Variants in ASXL3 observed in about 807,000 individuals in gnomAD.
The protein encoded by ASXL3 is putative Polycomb group protein ASXL3.
Under a neutral mutation model 170.6 loss-of-function variants are expected in ASXL3, and 34 were observed. That is an observed-to-expected ratio of 0.20 (90% CI 0.15 to 0.27). The LOEUF (loss-of-function observed/expected upper bound fraction) is 0.27. Ranked by LOEUF, ASXL3 falls within the 10% of genes least tolerant of loss-of-function variation. The probability of loss-of-function intolerance (pLI) is 1.00; values close to 1 mark genes in which losing one functional copy is unlikely to be tolerated. For synonymous variants in ASXL3, 1,002 were observed against 989.1 expected, an observed-to-expected ratio of 1.01 and a Z score of -0.24; for missense variants, 2,592 against 2,695.3, an observed-to-expected ratio of 0.96 and a Z score of 0.85.
rs1449470292 is a variant in ASXL3, at chr18:33,747,025, A to G, written c.*430A>G. The G allele has an allele frequency of 6.4e-6, 1 of 156,190 alleles. No homozygotes were observed. Among genetic ancestry groups the G allele is most frequent in the Non-Finnish European group, 1.4e-5 (1 of 70,884 alleles). The allele number at this position is 156,190 out of a possible 1,614,324, so 9.7% of individuals were successfully genotyped here. A position where few individuals can be genotyped will look rare whatever the true frequency, so the allele number is the denominator to read the frequency against. On this transcript the variant is annotated 3_prime_UTR_variant, in exon 12 of 12. Coordinates refer to ENST00000269197, the MANE Select transcript of ASXL3 (RefSeq NM_030632.3). ...GAGCCATTACAGCAAGGAATTTTAC[A>G]GTTGACTTCTCTGAACCTAGCTTTA...
chr18:33,672,812 G>A (rs546733724), intron 7 of ASXL3, among the ~76,000 whole-genome samples: 21 of 152,104 alleles, frequency 1.4e-4, no homozygotes, highest in African/African-American at 5.1e-4. Context: ...TTTGTCAGTT[G>A]CTACTATATG....
chr18:33,682,247 T>C (rs1408036768), intron 7 of ASXL3, among the ~76,000 whole-genome samples: 1 of 152,224 alleles, frequency 6.6e-6, no homozygotes, highest in Non-Finnish European at 1.5e-5. Context: ...CTTTATTTGC[T>C]AAAGCAGGCA....
At chr18:33,631,657 A>C (rs2065679337) in intron 2 of ASXL3, among the ~76,000 whole-genome samples, 1 of 152,134 alleles carries the variant, frequency 6.6e-6, no homozygotes, top group South Asian at 2.1e-4. Flanking sequence ...CGCTGCTGAT[A>C]TCAGCGACTC....
intron 2 of ASXL3, among the ~76,000 whole-genome samples, chr18:33,636,382 A>T (rs985344505): frequency 1.3e-5 from 2 of 152,088 alleles, no homozygotes; most frequent in Admixed American, 1.3e-4. Flanking sequence ...CCACAGCCAC[A>T]GTGAATGGCA....
chr18:33,667,503 C>T (rs1022357805), intron 5 of ASXL3, among the ~76,000 whole-genome samples: 2 of 152,144 alleles, frequency 1.3e-5, no homozygotes, highest in African/African-American at 4.8e-5. Flanking sequence ...TTTCCATCTA[C>T]TCCGTTCTTT....
intron 7 of ASXL3, among the ~76,000 whole-genome samples, chr18:33,679,583 T>G (rs1048659048): frequency 2.0e-5 from 3 of 152,092 alleles, no homozygotes; most frequent in Non-Finnish European, 2.9e-5. Context: ...GTTCCAGAGA[T>G]AGGTCAAGAA....
chr18:33,701,268 A>C (rs993432865), intron 8 of ASXL3, among the ~76,000 whole-genome samples: 1 of 151,984 alleles, frequency 6.6e-6, no homozygotes, highest in Admixed American at 6.6e-5. Context: ...GGTTTTGTCT[A>C]TTCTGGGTCC....
chr18:33,660,375 G>GCATAGTT (rs1319134366), intron 4 of ASXL3, among the ~76,000 whole-genome samples: 2 of 152,076 alleles, frequency 1.3e-5, no homozygotes, highest in African/African-American at 4.8e-5. Flanking sequence ...CTCACGGGCC[G>GCATAGTT]CATAGTTATT....
At chr18:33,733,611 A>G (rs1226391027) in intron 9 of ASXL3, among the ~76,000 whole-genome samples, 1 of 152,120 alleles carries the variant, frequency 6.6e-6, no homozygotes, top group East Asian at 1.9e-4. Context: ...TATTCCCTCC[A>G]CACTGAATGC....
At chr18:33,716,787 C>G (rs1160115051) in intron 8 of ASXL3, among the ~76,000 whole-genome samples, 3 of 151,774 alleles carry the variant, frequency 2.0e-5, no homozygotes, top group African/African-American at 7.3e-5. Flanking sequence ...CTTCAATGAA[C>G]TGTATACTGT....
Position 33,744,518 on chromosome 18 carries a change from C to T in ASXL3, c.4670C>T (p.Thr1557Ile). Residue 1557 changes from threonine (T) to isoleucine (I), a missense_variant, in exon 12 of 12, where the codon ACA (threonine) becomes ATA (isoleucine). Physicochemically the swap from Thr to Ile is moderately conservative, Grantham distance 89. Coordinates refer to ENST00000269197, the MANE Select transcript of ASXL3 (RefSeq NM_030632.3). ...QDSKTLPATC[T>I]SLRELPLVPD... Reference sequence around the variant, plus strand: ...AGTAAAACATTGCCGGCCACCTGCACAAGTCTCCGAGAATTACCCCTTGTT... The same window carrying T: ...AGTAAAACATTGCCGGCCACCTGCATAAGTCTCCGAGAATTACCCCTTGTT... 6.2e-7 allele frequency: 1 copy of T among 1,612,384 alleles called. No homozygotes were observed. Among genetic ancestry groups the T allele is most frequent in the Non-Finnish European group, 8.5e-7 (1 of 1,179,668 alleles).
chr18:33,644,666 C>T (rs1205290412), intron 2 of ASXL3, among the ~76,000 whole-genome samples: 5 of 151,782 alleles, frequency 3.3e-5, no homozygotes, highest in African/African-American at 1.2e-4. Context: ...TGCCTGAAGC[C>T]TTATAAGACA....
At position 33,585,718 on chromosome 18, in the gene ASXL3, G is replaced by A. The variant is rs543953035; in HGVS notation, c.54+7033G>A. Among the ~76,000 whole-genome samples the A allele has an allele frequency of 6.3e-4, 96 of 152,262 alleles. 1 individual carries two copies. The highest frequency in any genetic ancestry group is 2.2e-3 in the African/African-American group (92 of 41,546). On this transcript the variant is annotated intron_variant, in intron 1 of 11. Transcript: ENST00000269197. ...ATATATAACTTAAATGACATCCAAG[G>A]CCTTAGCTTTGGAGGAACTTTTAGA...
chr18:33,578,738 G>A (rs2064967684), intron 1 of ASXL3, 53 bp downstream of exon 1: 34 of 1,089,780 alleles, frequency 3.1e-5, no homozygotes, highest in South Asian at 4.3e-5. Flanking sequence ...CCCGCCGCTC[G>A]CCCCGCGCCG....
rs544346851 is a variant in ASXL3 at position 33,707,911 on chromosome 18, TTATTA to T, written c.880-24051_880-24047del. ...TGTATCTCTTAAGATGATTTCTTCT[TTATTA>T]TATTAATGTGATAAATGACCAATTG... is the stretch of plus-strand genomic sequence containing the variant. On this transcript the variant is annotated intron_variant, in intron 8 of 11. Coordinates refer to ENST00000269197, the MANE Select transcript of ASXL3 (RefSeq NM_030632.3). Among the ~76,000 whole-genome samples, 660 of 152,242 alleles carry T rather than the reference TTATTA, an allele frequency of 4.3e-3. 4 individuals carry two copies. Among genetic ancestry groups the T allele is most frequent in the African/African-American group, 0.015 (634 of 41,574 alleles).
At chr18:33,722,091 T>C (rs1425926830) in intron 8 of ASXL3, among the ~76,000 whole-genome samples, 1 of 152,034 alleles carries the variant, frequency 6.6e-6, no homozygotes, top group Admixed American at 6.6e-5. Flanking sequence ...GTTCCGACTG[T>C]TTACTGACCA....
Position 33,578,654 on chromosome 18 carries a change from A to G in ASXL3, c.23A>G (p.Lys8Arg). 7.3e-7 allele frequency: 1 copy of G among 1,363,532 alleles called. No homozygotes were observed. Among genetic ancestry groups the G allele is most frequent in the Non-Finnish European group, 9.7e-7 (1 of 1,032,670 alleles). The allele number at this position is 1,363,532 out of a possible 1,614,324, so 84.5% of individuals were successfully genotyped here. ...AACATGAAAGACAAGAGGAAGAAGA[A>G]GGACCGCACCTGGGCCGAGGCTGCC... is the stretch of plus-strand genomic sequence containing the variant. Reference protein sequence around the residue: MKDKRKKKDRTWAEAARL... With the variant: MKDKRKKRDRTWAEAARL... Residue 8 changes from lysine (K) to arginine (R), a missense_variant, in exon 1 of 12, where the codon AAG becomes AGG. This residue lies in a region of ASXL3 where 251 missense variants were observed against 281.9 expected (regional missense o/e 0.89). Coordinates refer to ENST00000269197, the MANE Select transcript of ASXL3 (RefSeq NM_030632.3).
At chr18:33,709,313 AAC>A (rs1491009860) in intron 8 of ASXL3, among the ~76,000 whole-genome samples, 12 of 151,846 alleles carry the variant, frequency 7.9e-5, no homozygotes, top group African/African-American at 2.9e-4. Context: ...AAAAAAAAAA[AAC>A]AACAAAAACA....
rs1214060889 is a variant in ASXL3, at chr18:33,746,463, T to C, written c.6615T>C (p.Asn2205=). 13 of 1,614,054 alleles carry C rather than the reference T, an allele frequency of 8.1e-6. No individual in the cohort carries two copies. The highest frequency in any genetic ancestry group is 1.1e-5 in the Non-Finnish European group (13 of 1,179,896). Reference sequence around the variant, plus strand: ...TTCAGAACTTTGCCGACAGCAGCAATGCAGATGAATTGGAACTGAAATGCT... The same window carrying C: ...TTCAGAACTTTGCCGACAGCAGCAACGCAGATGAATTGGAACTGAAATGCT... ...MPVQNFADSS[N]ADELELKCSC... Residue 2205 remains asparagine, a synonymous_variant, in exon 12 of 12, where the codon AAT becomes AAC. Transcript: ENST00000269197.
Sources: allele counts gnomAD v4.1 joint callset (sites outside exome capture counted in the v4.1 genomes callset), GRCh38; gene constraint gnomAD v4.1.1; regional missense constraint gnomAD v4.1.1; transcripts MANE v1.5; gene names NCBI Gene and HGNC (gene_info 2026-07-23, HGNC 2026-07-21).